The following NPAS3 variants were observed in gnomAD, a reference collection of about 807,000 sequenced individuals.
NPAS3 encodes the protein neuronal PAS domain protein 3.
Under a neutral mutation model 73.1 loss-of-function variants are expected in NPAS3, and 14 were observed. That is an observed-to-expected ratio of 0.19 (90% confidence interval 0.13 to 0.30). NPAS3 has a LOEUF of 0.30. Among genes scored for constraint, NPAS3 ranks in the 10% least tolerant of loss-of-function variants. NPAS3 has a pLI of 1.00. For missense variants in NPAS3, 1,096 were observed against 1,250.0 expected (o/e 0.88, Z 1.86); for synonymous variants, 620 against 541.5 (o/e 1.14, Z -2.01).
intron 4 of NPAS3, among the ~76,000 whole-genome samples, chr14:33,408,441 CT>C (rs529664372): frequency 1.1e-4 from 16 of 149,258 alleles, no homozygotes; most frequent in South Asian, 2.1e-4. Flanking sequence ...TAACTCTGTT[CT>C]TTTTTTTTTA....
At chr14:33,801,368 T>C, downstream of NPAS3, 1 of 557,322 alleles carries the variant, frequency 1.8e-6, no homozygotes, top group Non-Finnish European at 3.1e-6. Context: ...TTGGGTTGTT[T>C]TGCTTTCCTT....
intron 6 of NPAS3, among the ~76,000 whole-genome samples, chr14:33,678,259 C>T (rs1051841303): frequency 2.0e-5 from 3 of 152,174 alleles, no homozygotes; most frequent in Non-Finnish European, 4.4e-5. Context: ...GAGTAGTTCT[C>T]GTAGATAGTT....
intron 2 of NPAS3, among the ~76,000 whole-genome samples, chr14:33,102,548 G>A (rs577541608): frequency 1.3e-5 from 2 of 152,258 alleles, no homozygotes; most frequent in South Asian, 4.2e-4. Context: ...TATAGTAAGT[G>A]CCCAATAAAT....
chr14:33,109,265 A>T (rs1292400423), intron 2 of NPAS3, among the ~76,000 whole-genome samples: 2 of 152,170 alleles, frequency 1.3e-5, no homozygotes, highest in Non-Finnish European at 2.9e-5. Flanking sequence ...TAATTAGAGG[A>T]AAACTTTTAA....
chr14:33,733,051 G>T (rs8005402), intron 6 of NPAS3, among the ~76,000 whole-genome samples: 6,033 of 152,210 alleles, frequency 0.04, 398 homozygotes, highest in African/African-American at 0.13. Flanking sequence ...GGACCCCAGC[G>T]CTAAAACAGG....
In NPAS3 at chr14:33,224,403, C is replaced by T. The variant is rs144350723; in HGVS notation, c.385+8977C>T. Among the ~76,000 whole-genome samples, 497 of 152,212 alleles carry T rather than the reference C, an allele frequency of 3.3e-3. 5 individuals carry two copies. The highest frequency in any genetic ancestry group is 0.011 in the African/African-American group (440 of 41,542). ...TAAGTCTTAGCTCTGCCTTAATAAA[C>T]AGGTGACCTCCACCTGTGAAAACTA... On this transcript the variant is annotated intron_variant, in intron 3 of 11. Coordinates refer to ENST00000356141, the Ensembl canonical transcript of NPAS3.
intron 7 of NPAS3, among the ~76,000 whole-genome samples, chr14:33,772,529 G>A (rs2062688656): frequency 6.6e-6 from 1 of 152,142 alleles, no homozygotes; most frequent in Admixed American, 6.5e-5. Flanking sequence ...GATTTATTTA[G>A]CATATCATTT....
chr14:33,695,092 T>C (rs1226682466), intron 6 of NPAS3, among the ~76,000 whole-genome samples: 1 of 152,190 alleles, frequency 6.6e-6, no homozygotes, highest in Non-Finnish European at 1.5e-5. Flanking sequence ...CTTCTTGTCC[T>C]TTGAGGTTCT....
intron 2 of NPAS3, among the ~76,000 whole-genome samples, chr14:33,138,059 T>TC (rs2043906392): frequency 6.6e-6 from 1 of 152,150 alleles, no homozygotes; most frequent in African/African-American, 2.4e-5. Context: ...CACTTTTTTT[T>TC]TTTTTTAATT....
intron 2 of NPAS3, among the ~76,000 whole-genome samples, chr14:33,064,626 C>T (rs17100058): frequency 0.089 from 13,558 of 152,108 alleles, 804 homozygotes; most frequent in African/African-American, 0.17. Context: ...TACCTCATGA[C>T]GTTTATCCTC....
chr14:33,696,444 A>G (rs542436392), intron 6 of NPAS3, among the ~76,000 whole-genome samples: 1 of 152,334 alleles, frequency 6.6e-6, no homozygotes, highest in East Asian at 1.9e-4. Context: ...AGACATAATA[A>G]ACACGAGAGT....
chr14:33,255,549 C>T (rs2048747867), intron 3 of NPAS3, among the ~76,000 whole-genome samples: 2 of 152,068 alleles, frequency 1.3e-5, no homozygotes, highest in Admixed American at 1.3e-4. Flanking sequence ...GCTCAATTGC[C>T]AAGTGGGCTA....
chr14:33,011,285 A>T (rs927817997), intron 1 of NPAS3, among the ~76,000 whole-genome samples: 9 of 152,214 alleles, frequency 5.9e-5, no homozygotes, highest in Non-Finnish European at 1.3e-4. Flanking sequence ...ATTCAAATTC[A>T]GGGTTATGAG....
intron 3 of NPAS3, among the ~76,000 whole-genome samples, chr14:33,320,824 C>G (rs1371634940): frequency 6.6e-6 from 1 of 152,112 alleles, no homozygotes; most frequent in Non-Finnish European, 1.5e-5. Flanking sequence ...TGATTGACTA[C>G]CATTTTGTTA....
intron 1 of NPAS3, among the ~76,000 whole-genome samples, chr14:32,980,674 T>G (rs1323362603): frequency 6.6e-6 from 1 of 152,122 alleles, no homozygotes; most frequent in African/African-American, 2.4e-5. Context: ...GACCTCTGAG[T>G]CCAGGAAACT....
chr14:33,780,894 A>G (rs918852413), intron 9 of NPAS3: 1 of 260,486 alleles, frequency 3.8e-6, no homozygotes, highest in Admixed American at 5.3e-5. Flanking sequence ...TCATTACTTG[A>G]TATTGACATA....
chr14:33,507,571 G>T (rs1020794833), intron 4 of NPAS3, among the ~76,000 whole-genome samples: 1 of 151,912 alleles, frequency 6.6e-6, no homozygotes, highest in Non-Finnish European at 1.5e-5. Context: ...ATAACTAGTA[G>T]AAAGAGGCTT....
At chr14:33,550,092 G>C (rs1015181516) in intron 4 of NPAS3, among the ~76,000 whole-genome samples, 10 of 151,972 alleles carry the variant, frequency 6.6e-5, no homozygotes, top group Non-Finnish European at 1.5e-5. Flanking sequence ...CCATATCTCA[G>C]CTCAGTCCTT....
At chr14:33,684,205 C>A (rs764647595) in intron 6 of NPAS3, among the ~76,000 whole-genome samples, 2 of 143,286 alleles carry the variant, frequency 1.4e-5, no homozygotes, top group Non-Finnish European at 3.0e-5. Context: ...TCCTCTTATG[C>A]ACGTATTTCA....
Sources: allele counts gnomAD v4.1 joint callset (sites outside exome capture counted in the v4.1 genomes callset), GRCh38; gene constraint gnomAD v4.1.1; transcripts MANE v1.5; gene names NCBI Gene and HGNC (gene_info 2026-07-23, HGNC 2026-07-21).